SETX: variants seen among roughly 807,000 people sequenced by gnomAD.
The protein encoded by SETX is senataxin, also known as helicase senataxin.
In SETX, 90 loss-of-function variants were observed where a neutral mutation model predicts 227.2. The ratio of observed to expected loss-of-function variants is 0.40; its 90% CI spans 0.33 to 0.47. SETX has a LOEUF of 0.47. SETX is among the 20% of genes least tolerant of loss of function. SETX has a pLI of 0.91. For missense variants in SETX, 3,052 were observed against 3,181.5 expected (o/e 0.96, Z 0.98); for synonymous variants, 1,210 against 1,113.2 (o/e 1.09, Z -1.73).
chr9:132,278,863 C>T (rs1843334120), intron 20 of SETX, among the ~76,000 whole-genome samples: 1 of 152,188 alleles, frequency 6.6e-6, no homozygotes, highest in African/African-American at 2.4e-5. Flanking sequence ...ATTCTTCATT[C>T]ATCCATCTAA....
At chr9:132,321,094 C>A (rs1252410978) in intron 10 of SETX, among the ~76,000 whole-genome samples, 1 of 152,202 alleles carries the variant, frequency 6.6e-6, no homozygotes, top group Non-Finnish European at 1.5e-5. Context: ...TGCTCCAACA[C>A]CTCTCCTCCG....
At chr9:132,330,637 A>G (rs1564547953) in intron 9 of SETX, 138 bp from the exon 10 acceptor site, 3 of 704,262 alleles carry the variant, frequency 4.3e-6, no homozygotes, top group Non-Finnish European at 7.4e-6. Flanking sequence ...ATACAATGGT[A>G]TAATTGTGGC....
chr9:132,264,987 T>G lies in SETX; in HGVS notation c.7288-2A>C. 6.2e-7 allele frequency: 1 copy of G among 1,613,170 alleles called. No individual in the cohort carries two copies. Among genetic ancestry groups the G allele is most frequent in the East Asian group, 2.2e-5 (1 of 44,880 alleles). On this transcript the variant is annotated splice_acceptor_variant, in intron 25 of 25. Coordinates refer to ENST00000224140, the MANE Select transcript of SETX (RefSeq NM_015046.7). LOFTEE classifies it high-confidence loss of function. ...CAGCTGATTCCAATGCTGGTTTTCCTTGAAACAATGAGAAGGGAGAAATAA... is the reference window on the plus strand; with the variant it reads ...CAGCTGATTCCAATGCTGGTTTTCCGTGAAACAATGAGAAGGGAGAAATAA...
chr9:132,331,541 G>T, intron 7 of SETX, 93 bp from the exon 8 acceptor site: 1 of 1,360,980 alleles, frequency 7.3e-7, no homozygotes, highest in Non-Finnish European at 1.0e-6. Context: ...TATCTGGTGA[G>T]TAGCAACCCA....
chr9:132,335,612 G>A lies in SETX; in HGVS notation c.718+684C>T, dbSNP rs376932978. 3.3e-5 allele frequency among the ~76,000 whole-genome samples: 5 copies of A among 151,684 alleles called. No individual in the cohort carries two copies. The East Asian group carries it at 9.8e-4, about 30-fold the overall frequency. ...CCTGCCTCAGCCTCCCAAGATGCTG[G>A]GACTACAGGCGTGCACCACCATGCC... On this transcript the variant is annotated intron_variant, in intron 6 of 25. Coordinates refer to ENST00000224140, the MANE Select transcript of SETX (RefSeq NM_015046.7).
At chr9:132,285,911 G>A (rs1353906004) in intron 18 of SETX, among the ~76,000 whole-genome samples, 1 of 149,212 alleles carries the variant, frequency 6.7e-6, no homozygotes, top group South Asian at 2.1e-4. Context: ...GGCCAGGTGT[G>A]GTGCCTCACG....
At chr9:132,322,205 A>T (rs1349720186) in intron 10 of SETX, among the ~76,000 whole-genome samples, 1 of 152,182 alleles carries the variant, frequency 6.6e-6, no homozygotes, top group Non-Finnish European at 1.5e-5. Context: ...TTTTTAAAGT[A>T]ATATTTTTTA....
rs986756122 is a variant in SETX, at chr9:132,276,987, T to G, written c.6935+73A>C. On this transcript the variant is annotated intron_variant, in intron 22 of 25. Coordinates refer to ENST00000224140, the MANE Select transcript of SETX (RefSeq NM_015046.7). ...GAGAGATGTGTATAGGAAATGTATT[T>G]AACAGAAATATGAATGCAAATCATG... 12 of 1,292,780 alleles carry G rather than the reference T, an allele frequency of 9.3e-6. No individual in the cohort carries two copies. The South Asian group carries it at 1.3e-4, about 14-fold the overall frequency. The allele number at this position is 1,292,780 out of a possible 1,614,324, so 80.1% of individuals were successfully genotyped here.
At chr9:132,350,051 G>C (rs1482092994) in intron 2 of SETX, among the ~76,000 whole-genome samples, 1 of 152,124 alleles carries the variant, frequency 6.6e-6, no homozygotes, top group African/African-American at 2.4e-5. Flanking sequence ...AGGTTAGAAG[G>C]AGGTTAAAAA....
intron 10 of SETX, among the ~76,000 whole-genome samples, chr9:132,313,355 T>C (rs1845781081): frequency 1.3e-5 from 2 of 152,124 alleles, no homozygotes; most frequent in South Asian, 4.1e-4. Flanking sequence ...TCCTAGATAG[T>C]TCCCATCTTG....
Position 132,328,614 on chromosome 9 carries a change from T to C in SETX, c.2984A>G (p.Lys995Arg). 6.2e-7 allele frequency: 1 copy of C among 1,613,626 alleles called. No individual in the cohort carries two copies. The highest frequency in any genetic ancestry group is 8.5e-7 in the Non-Finnish European group (1 of 1,179,808). ...ATTTTGGTTAGCTGTGAAACATCTT[T>C]TATCTTCTTTTACTTTCCTTTGCAG... ...SQLQRKVKED[K>R]RCFTANQNNV... The change falls in exon 10 of 26, where the codon AAA becomes AGA. Residue 995 changes from lysine to arginine, a missense_variant. Around this residue, in one of 10 missense-constraint regions of SETX, gnomAD observed 1,483 missense variants for 1,312.0 expected, o/e 1.13. Transcript: ENST00000224140.
chr9:132,344,853 C>G (rs559317542), intron 4 of SETX, among the ~76,000 whole-genome samples: 1 of 123,948 alleles, frequency 8.1e-6, no homozygotes, highest in Non-Finnish European at 1.6e-5. Context: ...CCAGCCTGGG[C>G]GACAGTGAGA....
intron 1 of SETX, among the ~76,000 whole-genome samples, 154 bp downstream of exon 1, chr9:132,354,763 C>G (rs193035786): frequency 1.3e-5 from 2 of 151,454 alleles, no homozygotes; most frequent in Non-Finnish European, 2.9e-5. Context: ...GCCCCCGCAC[C>G]GAGGGAAGCG....
Position 132,329,862 on chromosome 9 carries a change from T to C in SETX, c.1736A>G (p.Gln579Arg). The change falls in exon 10 of 26, where the codon CAG (glutamine) becomes CGG (arginine). Residue 579 changes from glutamine (Q) to arginine (R), a missense_variant. Around this residue, in one of 10 missense-constraint regions of SETX, gnomAD observed 179 missense variants for 197.1 expected, o/e 0.91. Transcript: ENST00000224140. ...NLSLGWQLTS[Q>R]ETHELQSCLK... ...GCAACTTTGTAGCTCATGGGTTTCC[T>C]GACTAGTCAACTGCCAACCTAGAGA... 1.2e-6 allele frequency: 2 copies of C among 1,614,202 alleles called. No homozygotes were observed. Among genetic ancestry groups the C allele is most frequent in the Non-Finnish European group, 8.5e-7 (1 of 1,180,036 alleles).
chr9:132,307,420 C>G (rs1031376978), intron 11 of SETX, among the ~76,000 whole-genome samples: 1 of 151,876 alleles, frequency 6.6e-6, no homozygotes. Context: ...GTATTACCCA[C>G]TAACAGCATA....
chr9:132,291,253 G>A (rs576201887), intron 15 of SETX, among the ~76,000 whole-genome samples: 61 of 132,376 alleles, frequency 4.6e-4, no homozygotes, highest in Non-Finnish European at 8.5e-4. Context: ...TGCAAGCTCC[G>A]CCTCCCGGGT....
chr9:132,321,394 C>T (rs1457623032), intron 10 of SETX, among the ~76,000 whole-genome samples: 1 of 152,158 alleles, frequency 6.6e-6, no homozygotes, highest in African/African-American at 2.4e-5. Context: ...CGGTAGCTCA[C>T]ACCTGTAATC....
intron 15 of SETX, among the ~76,000 whole-genome samples, chr9:132,292,148 A>C (rs1173445592): frequency 6.6e-6 from 1 of 152,164 alleles, no homozygotes; most frequent in African/African-American, 2.4e-5. Context: ...TAAATATATA[A>C]TACAGCAAAC....
chr9:132,291,852 T>C (rs1254974303), intron 15 of SETX, among the ~76,000 whole-genome samples: 1 of 152,036 alleles, frequency 6.6e-6, no homozygotes, highest in South Asian at 2.1e-4. Context: ...ATTTCTACAA[T>C]GGGAGCTTGC....
Sources: allele counts gnomAD v4.1 joint callset (sites outside exome capture counted in the v4.1 genomes callset), GRCh38; gene constraint gnomAD v4.1.1; regional missense constraint gnomAD v4.1.1; transcripts MANE v1.5; gene names NCBI Gene and HGNC (gene_info 2026-07-23, HGNC 2026-07-21).